Variants in PCNX1 observed in about 807,000 individuals in gnomAD.
The protein encoded by PCNX1 is pecanex 1, also known as pecanex-like protein 1.
A neutral mutation model predicts 242.2 loss-of-function variants in PCNX1; 78 were observed. That is an observed-to-expected ratio of 0.32 (90% CI 0.27 to 0.39). The LOEUF (loss-of-function observed/expected upper bound fraction) is 0.39, where lower values mean the gene tolerates loss of function less well. Ranked by LOEUF, PCNX1 falls within the 10% of genes least tolerant of loss-of-function variation. The pLI is 1.00. For missense variants in PCNX1, 2,581 were observed against 2,856.5 expected (o/e 0.90, Z 2.20); for synonymous variants, 1,024 against 1,032.9 (o/e 0.99, Z 0.17).
At chr14:71,073,127 T>C (rs1259009988) in intron 26 of PCNX1, among the ~76,000 whole-genome samples, 1 of 152,208 alleles carries the variant, frequency 6.6e-6, no homozygotes, top group East Asian at 1.9e-4. Context: ...ACCCCGTCTC[T>C]ACTAAAAATA....
At chr14:71,016,874 T>C (rs2059974419) in intron 11 of PCNX1, among the ~76,000 whole-genome samples, 1 of 151,946 alleles carries the variant, frequency 6.6e-6, no homozygotes, top group Non-Finnish European at 1.5e-5. Context: ...AACAAAACAA[T>C]TCAATGAGGA....
chr14:71,028,978 A>G (rs542563065), intron 16 of PCNX1, among the ~76,000 whole-genome samples, 187 bp downstream of exon 16: 2 of 152,266 alleles, frequency 1.3e-5, no homozygotes, highest in East Asian at 1.9e-4. Context: ...ATAGTTAACC[A>G]TTACTAAAAG....
intron 30 of PCNX1, among the ~76,000 whole-genome samples, chr14:71,096,881 T>C (rs779956377): frequency 2.4e-4 from 36 of 152,172 alleles, no homozygotes; most frequent in Middle Eastern, 3.2e-3. Context: ...TTTAGCTGAA[T>C]TCTAGCCTTA....
At chr14:70,988,490 C>CATGGGTAAAGTG (rs2059062232) in intron 6 of PCNX1, 77 bp from the exon 7 acceptor site, 1 of 1,520,146 alleles carries the variant, frequency 6.6e-7, no homozygotes, top group Non-Finnish European at 9.0e-7. Flanking sequence ...GGTGGGAAGT[C>CATGGGTAAAGTG]AAGGGAAAGC....
chr14:70,938,814 A>G lies in PCNX1; in HGVS notation c.154-8101A>G, dbSNP rs141361851. 3.6e-3 allele frequency among the ~76,000 whole-genome samples: 550 copies of G among 152,216 alleles called. 3 individuals carry two copies. The highest frequency in any genetic ancestry group is 6.7e-3 in the Non-Finnish European group (456 of 68,014). ...TATTGCCTCAATTTCAAAGCCTGCT[A>G]TTGGTGTATTCAGGGATTCAACTTC... On this transcript the variant is annotated intron_variant, in intron 1 of 35. Transcript: ENST00000304743.
At chr14:71,022,681 G>A (rs2060136265) in intron 12 of PCNX1, among the ~76,000 whole-genome samples, 1 of 152,086 alleles carries the variant, frequency 6.6e-6, no homozygotes, top group Non-Finnish European at 1.5e-5. Context: ...AAAGGATACA[G>A]CTTAACTTAT....
chr14:70,919,495 G>A (rs143159861), intron 1 of PCNX1, among the ~76,000 whole-genome samples: 1 of 151,976 alleles, frequency 6.6e-6, no homozygotes, highest in African/African-American at 2.4e-5. Flanking sequence ...GAATTTTTTG[G>A]CAGGTGAGTT....
chr14:70,967,655 T>G (rs907493249), intron 3 of PCNX1, among the ~76,000 whole-genome samples: 1 of 152,224 alleles, frequency 6.6e-6, no homozygotes, highest in Non-Finnish European at 1.5e-5. Context: ...TATTGATTTA[T>G]TTTTTAATGT....
In PCNX1 at chr14:71,113,995, G is replaced by A. The variant is rs891857921; in HGVS notation, c.*4060G>A. The stretch of plus-strand genomic sequence containing the variant: ...TGATAGGATACATGGTTTAGATAAG[G>A]TATAAAGTGTCCCTTTTTATTCTAG... On this transcript the variant is annotated 3_prime_UTR_variant, in exon 36 of 36. Coordinates refer to ENST00000304743, the MANE Select transcript of PCNX1 (RefSeq NM_014982.3). 6.6e-6 allele frequency: 1 copy of A among 152,094 alleles called. No homozygotes were observed. Among genetic ancestry groups the A allele is most frequent in the African/African-American group, 2.4e-5 (1 of 41,414 alleles). The allele number at this position is 152,094 out of a possible 1,614,324, so 9.4% of individuals were successfully genotyped here.
At chr14:70,941,377 G>A (rs540783160) in intron 1 of PCNX1, among the ~76,000 whole-genome samples, 1 of 152,306 alleles carries the variant, frequency 6.6e-6, no homozygotes, top group Non-Finnish European at 1.5e-5. Flanking sequence ...CAGGTCTATT[G>A]GAGTTTGCTG....
At chr14:70,961,360 C>T (rs1040697190) in intron 2 of PCNX1, among the ~76,000 whole-genome samples, 2 of 152,094 alleles carry the variant, frequency 1.3e-5, no homozygotes, top group African/African-American at 4.8e-5. Context: ...GAAATAACGC[C>T]GCATATCTAT....
intron 1 of PCNX1, among the ~76,000 whole-genome samples, chr14:70,929,261 G>A (rs1047286386): frequency 2.6e-5 from 4 of 151,218 alleles, no homozygotes; most frequent in Non-Finnish European, 5.9e-5. Flanking sequence ...CCCTCTTACC[G>A]TCTTGCTCTT....
intron 1 of PCNX1, among the ~76,000 whole-genome samples, chr14:70,914,103 C>G (rs1566814003): frequency 6.6e-6 from 1 of 152,064 alleles, no homozygotes; most frequent in Non-Finnish European, 1.5e-5. Flanking sequence ...AACCATCTAC[C>G]ACATGTTCTC....
intron 13 of PCNX1, among the ~76,000 whole-genome samples, chr14:71,025,571 G>A (rs952074449): frequency 5.9e-5 from 9 of 151,954 alleles, no homozygotes; most frequent in African/African-American, 1.9e-4. Flanking sequence ...ATATACACAC[G>A]TATATACATA....
At chr14:70,945,763 G>T (rs1047911513) in intron 1 of PCNX1, among the ~76,000 whole-genome samples, 3 of 151,930 alleles carry the variant, frequency 2.0e-5, no homozygotes, top group Admixed American at 1.3e-4. Flanking sequence ...CACCTCCCAG[G>T]TTCAAGTGAT....
chr14:70,926,422 A>G (rs1003252417), intron 1 of PCNX1, among the ~76,000 whole-genome samples: 2 of 152,184 alleles, frequency 1.3e-5, no homozygotes, highest in Non-Finnish European at 2.9e-5. Context: ...TTCAATATGA[A>G]CAAAATTTGT....
chr14:70,958,990 A>G (rs2058097575), intron 2 of PCNX1, among the ~76,000 whole-genome samples: 1 of 136,420 alleles, frequency 7.3e-6, no homozygotes, highest in Non-Finnish European at 1.5e-5. Flanking sequence ...TCCAACACAT[A>G]TATTGTAACT....
At chr14:71,005,699 A>G (rs1350702018) in intron 8 of PCNX1, among the ~76,000 whole-genome samples, 1 of 152,150 alleles carries the variant, frequency 6.6e-6, no homozygotes, top group Non-Finnish European at 1.5e-5. Flanking sequence ...TGCCTGCTGC[A>G]CCATTCATGG....
intron 1 of PCNX1, among the ~76,000 whole-genome samples, chr14:70,934,172 G>A (rs1023524888): frequency 1.3e-5 from 2 of 152,208 alleles, no homozygotes; most frequent in Non-Finnish European, 2.9e-5. Context: ...ATGCCAAGCG[G>A]CGTTTTCAAG....
Sources: gnomAD v4.1 joint callset for allele counts (sites outside exome capture counted in the v4.1 genomes callset) on GRCh38, gnomAD v4.1.1 for gene constraint, MANE v1.5 for transcripts, NCBI Gene and HGNC (gene_info 2026-07-23, HGNC 2026-07-21) for gene names.